The following RPS6KA6 variants were observed in gnomAD, a reference collection of about 807,000 sequenced individuals.
RPS6KA6 encodes the protein ribosomal protein S6 kinase alpha-6.
A neutral mutation model predicts 65.4 loss-of-function variants in RPS6KA6; 27 were observed. The ratio of observed to expected loss-of-function variants is 0.41; its 90% CI spans 0.30 to 0.57. The LOEUF (loss-of-function observed/expected upper bound fraction) is 0.57, where lower values mean the gene tolerates loss of function less well. Among genes scored for constraint, RPS6KA6 ranks in the 20% least tolerant of loss-of-function variants. The pLI is 0.24. For synonymous variants in RPS6KA6, 190 were observed against 184.2 expected (o/e 1.03, Z -0.26); for missense variants, 486 against 555.6 (o/e 0.87, Z 1.26).
chrX:84,157,745 A>C (rs958412285), intron 2 of RPS6KA6, among the ~76,000 whole-genome samples: 1 of 111,035 alleles, frequency 9.0e-6, no homozygotes, highest in African/African-American at 3.3e-5. Flanking sequence ...TTAGATTATC[A>C]CTATAAGTAT....
At chrX:84,128,110 T>A (rs1405949197) in intron 8 of RPS6KA6, among the ~76,000 whole-genome samples, 1 of 111,443 alleles carries the variant, frequency 9.0e-6, no homozygotes, top group Non-Finnish European at 1.9e-5. Context: ...ACTGACAAAC[T>A]CAGCAAAGTT....
At chrX:84,092,663 A>G (rs73625969) in intron 20 of RPS6KA6, among the ~76,000 whole-genome samples, 38 of 110,637 alleles carry the variant, frequency 3.4e-4, no homozygotes, top group African/African-American at 1.1e-3. Flanking sequence ...CTCCAATCAG[A>G]GTGGCTACTA....
In RPS6KA6 at chrX:84,116,435, T is replaced by C; in HGVS notation, c.950-148A>G. ...CATGATTTCTTATCTGGCATTTTAT[T>C]AGCTGGTCCTTTCATTTTACTGTGA... is the stretch of plus-strand genomic sequence containing the variant. On this transcript the variant is annotated intron_variant, in intron 11 of 21. Coordinates refer to ENST00000262752, the MANE Select transcript of RPS6KA6 (RefSeq NM_014496.5). 13 of 343,817 alleles carry C rather than the reference T, an allele frequency of 3.8e-5. No homozygotes were observed. In the South Asian group the frequency reaches 9.3e-4, roughly 25 times the overall value. 28.3% of individuals were successfully genotyped at this position (343,817 alleles called of 1,213,427 possible). A position where few individuals can be genotyped will look rare whatever the true frequency, so the allele number is the denominator to read the frequency against.
At chrX:84,084,245 T>G (rs1327334407) in intron 20 of RPS6KA6, among the ~76,000 whole-genome samples, 1 of 112,576 alleles carries the variant, frequency 8.9e-6, no homozygotes, top group Non-Finnish European at 1.9e-5. Context: ...TTGCTTTTGT[T>G]GCAACTGCTT....
chrX:84,090,715 A>G (rs748454631), intron 20 of RPS6KA6, among the ~76,000 whole-genome samples: 2 of 111,724 alleles, frequency 1.8e-5, no homozygotes, highest in Admixed American at 1.9e-4. Context: ...AATTGCCCCC[A>G]TGATTCAGTT....
chrX:84,074,223 A>T (rs1408218424), intron 20 of RPS6KA6, among the ~76,000 whole-genome samples: 1 of 112,004 alleles, frequency 8.9e-6, no homozygotes, highest in African/African-American at 3.2e-5. Context: ...CCATAGATAA[A>T]CCTGGAAGAC....
intron 7 of RPS6KA6, 57 bp downstream of exon 7, chrX:84,135,047 G>C (rs1230997479): frequency 1.2e-6 from 1 of 843,152 alleles, no homozygotes; most frequent in Non-Finnish European, 1.7e-6. Context: ...AACAGAGTTT[G>C]ACAAAAAGCA....
intron 1 of RPS6KA6, among the ~76,000 whole-genome samples, chrX:84,185,204 T>C (rs2035913061): frequency 9.0e-6 from 1 of 111,336 alleles, no homozygotes; most frequent in Non-Finnish European, 1.9e-5. Context: ...CCAGTAGACC[T>C]CATTGAGACA....
chrX:84,170,966 T>G (rs192778988), intron 1 of RPS6KA6, among the ~76,000 whole-genome samples: 1 of 111,287 alleles, frequency 9.0e-6, no homozygotes, highest in Admixed American at 9.6e-5. Context: ...AAAGTCCCCA[T>G]AACGAGGGAC....
chrX:84,070,002 C>A (rs762756243), intron 20 of RPS6KA6, among the ~76,000 whole-genome samples: 1 of 111,879 alleles, frequency 8.9e-6, no homozygotes, highest in Admixed American at 9.5e-5. Flanking sequence ...GACAGTGTGG[C>A]AATTCCTCAA....
At chrX:84,141,321 C>T (rs1300598870) in intron 6 of RPS6KA6, among the ~76,000 whole-genome samples, 1 of 108,988 alleles carries the variant, frequency 9.2e-6, no homozygotes, top group Non-Finnish European at 1.9e-5. Flanking sequence ...AAAACTTATA[C>T]TACAAATCCT....
intron 12 of RPS6KA6, among the ~76,000 whole-genome samples, chrX:84,111,464 G>C (rs920886433): frequency 8.1e-5 from 9 of 111,387 alleles, no homozygotes; most frequent in African/African-American, 2.3e-4. Context: ...ACCAATAAAG[G>C]AAATCTCATC....
intron 1 of RPS6KA6, among the ~76,000 whole-genome samples, chrX:84,178,225 T>C (rs894928061): frequency 8.9e-6 from 1 of 112,244 alleles, no homozygotes; most frequent in Non-Finnish European, 1.9e-5. Flanking sequence ...TATTCAGTCT[T>C]GTAGCTTTCA....
chrX:84,092,823 C>T (rs1354667322), intron 20 of RPS6KA6, among the ~76,000 whole-genome samples: 1 of 111,755 alleles, frequency 8.9e-6, no homozygotes, highest in African/African-American at 3.3e-5. Context: ...AGCAATCCCA[C>T]TGCTGGATAT....
intron 8 of RPS6KA6, 125 bp from the exon 9 acceptor site, chrX:84,120,152 A>G: frequency 2.4e-6 from 1 of 421,119 alleles, no homozygotes; most frequent in Non-Finnish European, 3.8e-6. Context: ...TACTCTTAAG[A>G]AAGTTCCTGT....
At chrX:84,148,774 T>C (rs964611735) in intron 3 of RPS6KA6, among the ~76,000 whole-genome samples, 1 of 111,659 alleles carries the variant, frequency 9.0e-6, no homozygotes, top group African/African-American at 3.3e-5. Context: ...TATAATCTTA[T>C]TGCTGGTGGA....
chrX:84,071,850 G>T (rs776256640), intron 20 of RPS6KA6, among the ~76,000 whole-genome samples: 2 of 111,373 alleles, frequency 1.8e-5, no homozygotes, highest in East Asian at 5.7e-4. Flanking sequence ...AAATTGATAC[G>T]TTCCTGGATA....
chrX:84,105,173 A>AACAC (rs201065109), intron 16 of RPS6KA6, among the ~76,000 whole-genome samples: 4 of 108,724 alleles, frequency 3.7e-5, no homozygotes, highest in African/African-American at 9.9e-5. Context: ...ATGTATGATA[A>AACAC]ACACACACAC....
intron 2 of RPS6KA6, among the ~76,000 whole-genome samples, chrX:84,163,214 T>C (rs1333622916): frequency 1.8e-5 from 2 of 112,179 alleles, no homozygotes; most frequent in Non-Finnish European, 3.8e-5. Context: ...GGAAGCATAC[T>C]GCCCTAAGTC....
Sources: allele counts gnomAD v4.1 joint callset (sites outside exome capture counted in the v4.1 genomes callset), GRCh38; gene constraint gnomAD v4.1.1; transcripts MANE v1.5; gene names NCBI Gene and HGNC (gene_info 2026-07-23, HGNC 2026-07-21).